The following CEP164 variants were observed in gnomAD, a reference collection of about 807,000 sequenced individuals.
The protein encoded by CEP164 is centrosomal protein 164.
A neutral mutation model predicts 182.7 loss-of-function variants in CEP164; 162 were observed. The ratio of observed to expected loss-of-function variants is 0.89; its 90% confidence interval spans 0.78 to 1.01. The LOEUF (loss-of-function observed/expected upper bound fraction) is 1.01, where lower values mean the gene tolerates loss of function less well. CEP164 is among the 50% of genes least tolerant of loss of function. CEP164 has a pLI of 0.00. For missense variants in CEP164, 1,735 were observed against 1,790.4 expected, an observed-to-expected ratio of 0.97 and a Z score of 0.56; for synonymous variants, 661 against 690.0, an observed-to-expected ratio of 0.96 and a Z score of 0.66.
At chr11:117,396,221 T>G in intron 25 of CEP164, 41 bp downstream of exon 25, 6 of 1,576,646 alleles carry the variant, frequency 3.8e-6, no homozygotes, top group Non-Finnish European at 3.5e-6. Context: ...GGCACCAGGA[T>G]GGTGTGGGGC....
chr11:117,386,244 G>A (rs1238360126), intron 14 of CEP164: 3 of 152,218 alleles, frequency 2.0e-5, no homozygotes, highest in Non-Finnish European at 4.4e-5. Flanking sequence ...GACACATTCT[G>A]GCCTTTAGGA....
At position 117,395,022 on chromosome 11, in the gene CEP164, T is replaced by A; in HGVS notation, c.2844+19T>A. On this transcript the variant is annotated intron_variant, in intron 22 of 32. Transcript: ENST00000278935. ...GGTCCAGGTGAGGGATCTGCAGGAG[T>A]CCTTGACCTCAGAGTCATAGCTTCT... The A allele has an allele frequency of 1.2e-6, 2 of 1,613,134 alleles. No individual in the cohort carries two copies. The highest frequency in any genetic ancestry group is 1.7e-6 in the Non-Finnish European group (2 of 1,179,400).
intron 3 of CEP164, among the ~76,000 whole-genome samples, chr11:117,343,791 G>C (rs2038482924): frequency 6.6e-6 from 1 of 151,738 alleles, no homozygotes; most frequent in Non-Finnish European, 1.5e-5. Flanking sequence ...CCACCACGCT[G>C]GGCTAATTTT....
At chr11:117,356,200 CGAG>C (rs2040277686) in intron 5 of CEP164, 1 of 1,071,916 alleles carries the variant, frequency 9.3e-7, no homozygotes, top group Non-Finnish European at 1.1e-6. Context: ...AGAGCCCTGA[CGAG>C]GAGCAGTCAG....
intron 8 of CEP164, among the ~76,000 whole-genome samples, chr11:117,364,757 C>T (rs1488854375): frequency 2.0e-5 from 3 of 152,056 alleles, no homozygotes; most frequent in East Asian, 1.9e-4. Flanking sequence ...CTTGGGCTCC[C>T]GAAGTGCTGG....
intron 23 of CEP164, 138 bp from the exon 24 acceptor site, chr11:117,395,409 T>G (rs2045307300): frequency 9.4e-7 from 1 of 1,069,388 alleles, no homozygotes; most frequent in Non-Finnish European, 1.3e-6. Flanking sequence ...CCTCTTGACC[T>G]CAGAGGTGGT....
chr11:117,373,086 C>T (rs142584737), intron 9 of CEP164, among the ~76,000 whole-genome samples: 39 of 152,118 alleles, frequency 2.6e-4, no homozygotes, highest in African/African-American at 9.2e-4. Flanking sequence ...GAGCTTTTAT[C>T]GGCCGGGCAC....
chr11:117,359,589 C>CCTGACCGCCT, intron 5 of CEP164: 1 of 985,416 alleles, frequency 1.0e-6, no homozygotes, highest in Non-Finnish European at 1.2e-6. Flanking sequence ...TGAACCTCAG[C>CCTGACCGCCT]CTGACCGCCT....
chr11:117,360,822 ATACACT>A (rs1427213987), intron 5 of CEP164, among the ~76,000 whole-genome samples: 3 of 152,292 alleles, frequency 2.0e-5, no homozygotes, highest in Non-Finnish European at 4.4e-5. Flanking sequence ...TTTGTAAATA[ATACACT>A]TAGACTGCTT....
intron 9 of CEP164, among the ~76,000 whole-genome samples, chr11:117,373,550 G>A (rs2042433640): frequency 6.6e-6 from 1 of 152,182 alleles, no homozygotes; most frequent in Admixed American, 6.5e-5. Context: ...GGGCTGCCCA[G>A]CCCCAGTGGG....
chr11:117,347,974 T>TTGG (rs1314511096), intron 4 of CEP164, among the ~76,000 whole-genome samples: 1 of 152,084 alleles, frequency 6.6e-6, no homozygotes, highest in African/African-American at 2.4e-5. Flanking sequence ...GTTGTTGTTG[T>TTGG]TGTTGTTGTT....
intron 4 of CEP164, among the ~76,000 whole-genome samples, chr11:117,346,861 C>CA (rs1427014344): frequency 1.3e-5 from 2 of 152,004 alleles, no homozygotes; most frequent in Non-Finnish European, 2.9e-5. Context: ...GAACCTGTCT[C>CA]AAAAACAAAT....
intron 5 of CEP164, 38 bp downstream of exon 5, chr11:117,352,026 C>G (rs1446990572): frequency 6.5e-7 from 1 of 1,529,958 alleles, no homozygotes; most frequent in Admixed American, 2.1e-5. Flanking sequence ...GAGGCCAGGG[C>G]TGAAATCTGG....
intron 10 of CEP164, among the ~76,000 whole-genome samples, chr11:117,374,326 C>G (rs1428815361): frequency 6.6e-6 from 1 of 152,142 alleles, no homozygotes; most frequent in Non-Finnish European, 1.5e-5. Context: ...TGTCCCAGAC[C>G]TTCTACCCAG....
At chr11:117,386,229 G>A (rs555179204) in intron 14 of CEP164, 2 of 152,394 alleles carry the variant, frequency 1.3e-5, no homozygotes, top group South Asian at 2.1e-4. Context: ...GGACCTGGAC[G>A]TGGAGACACA....
At chr11:117,362,636 A>G in intron 7 of CEP164, 98 bp downstream of exon 7, 1 of 1,411,620 alleles carries the variant, frequency 7.1e-7, no homozygotes, top group Non-Finnish European at 9.6e-7. Context: ...ATGTAACATA[A>G]AATTTGCCCT....
chr11:117,358,655 C>T (rs972088403), intron 5 of CEP164, among the ~76,000 whole-genome samples: 2 of 151,736 alleles, frequency 1.3e-5, no homozygotes, highest in African/African-American at 2.4e-5. Context: ...GCAATCCTCC[C>T]GAGTAGCTGG....
chr11:117,336,563 A>T, intron 2 of CEP164: 2 of 1,531,584 alleles, frequency 1.3e-6, no homozygotes, highest in Non-Finnish European at 1.8e-6. Context: ...GCAGGATTGG[A>T]ACCTCCAGGG....
In CEP164 at chr11:117,371,372, A is replaced by G. The variant is rs2135917595; in HGVS notation, c.1058A>G (p.Asp353Gly). Reference protein sequence around the residue: ...SEKEAPEDTVDAGEEGSRREE... With the variant: ...SEKEAPEDTVGAGEEGSRREE... ...AAGGAAGCACCAGAGGACACAGTAG[A>G]TGCAGGAGAGGAGGGTTCCAGGAGG... is the stretch of plus-strand genomic sequence containing the variant. Residue 353 changes from aspartate (D) to glycine (G), a missense_variant, in exon 9 of 33, where the codon GAT becomes GGT. Asp to Gly is a moderately conservative substitution (Grantham distance 94, BLOSUM62 -1). Transcript: ENST00000278935. The G allele has an allele frequency of 3.7e-6, 6 of 1,614,224 alleles. No homozygotes were observed. The highest frequency in any genetic ancestry group is 4.2e-6 in the Non-Finnish European group (5 of 1,180,028).
Sources: gnomAD v4.1 joint callset for allele counts (sites outside exome capture counted in the v4.1 genomes callset) on GRCh38, gnomAD v4.1.1 for gene constraint, MANE v1.5 for transcripts, NCBI Gene and HGNC (gene_info 2026-07-23, HGNC 2026-07-21) for gene names.